The following ANGPT1 variants were observed in gnomAD, a reference collection of about 807,000 sequenced individuals.
The protein encoded by ANGPT1 is angiopoietin-1.
A neutral mutation model predicts 62.2 loss-of-function variants in ANGPT1; 17 were observed. The ratio of observed to expected loss-of-function variants is 0.27; its 90% CI spans 0.19 to 0.41. The LOEUF (loss-of-function observed/expected upper bound fraction) is 0.41, where lower values mean the gene tolerates loss of function less well. Ranked by LOEUF, ANGPT1 falls within the 10% of genes least tolerant of loss-of-function variation. The pLI is 1.00. For synonymous variants in ANGPT1, 199 were observed against 198.9 expected, an observed-to-expected ratio of 1.00 and a Z score of 0.00; for missense variants, 478 against 594.9, an observed-to-expected ratio of 0.80 and a Z score of 2.04.
chr8:107,322,523 G>A (rs115200675), intron 3 of ANGPT1, among the ~76,000 whole-genome samples: 1,948 of 152,216 alleles, frequency 0.013, 54 homozygotes, highest in African/African-American at 0.045. Flanking sequence ...ACAACACGTA[G>A]AAACTACTTT....
intron 6 of ANGPT1, among the ~76,000 whole-genome samples, chr8:107,286,898 A>C (rs1563551020): frequency 2.0e-5 from 3 of 152,168 alleles, no homozygotes; most frequent in Non-Finnish European, 4.4e-5. Flanking sequence ...GCTACCTACT[A>C]AGGAGAAGAG....
intron 2 of ANGPT1, among the ~76,000 whole-genome samples, chr8:107,344,855 T>G (rs2130151324): frequency 6.6e-6 from 1 of 152,220 alleles, no homozygotes; most frequent in East Asian, 1.9e-4. Flanking sequence ...GAATAGAGTG[T>G]ATGGAGGTTA....
chr8:107,428,664 G>C (rs1030586402), intron 1 of ANGPT1, among the ~76,000 whole-genome samples: 1 of 149,362 alleles, frequency 6.7e-6, no homozygotes, highest in African/African-American at 2.5e-5. Flanking sequence ...GTGTGTTTTC[G>C]AGTGCTATAA....
chr8:107,457,289 A>G (rs939719879), intron 1 of ANGPT1, among the ~76,000 whole-genome samples: 1 of 152,084 alleles, frequency 6.6e-6, no homozygotes, highest in African/African-American at 2.4e-5. Context: ...AATAATTAGC[A>G]CATATGAATG....
intron 1 of ANGPT1, among the ~76,000 whole-genome samples, chr8:107,403,833 T>C (rs73702064): frequency 0.013 from 1,927 of 152,136 alleles, 43 homozygotes; most frequent in African/African-American, 0.044. Flanking sequence ...GAGAGTTGAG[T>C]AGTGAAAAAA....
intron 1 of ANGPT1, among the ~76,000 whole-genome samples, chr8:107,351,628 G>C (rs1246403487): frequency 6.6e-6 from 1 of 151,792 alleles, no homozygotes; most frequent in Non-Finnish European, 1.5e-5. Flanking sequence ...CATCACTAGA[G>C]GGGGATTACT....
intron 1 of ANGPT1, among the ~76,000 whole-genome samples, chr8:107,412,961 A>G (rs898466065): frequency 5.9e-5 from 9 of 152,242 alleles, no homozygotes; most frequent in Non-Finnish European, 1.0e-4. Flanking sequence ...TTCAGGTTAA[A>G]GAGAAAGCAG....
At chr8:107,347,186 C>A in intron 1 of ANGPT1, 89 bp from the exon 2 acceptor site, 2 of 1,350,802 alleles carry the variant, frequency 1.5e-6, no homozygotes, top group Non-Finnish European at 1.0e-6. Flanking sequence ...AAACAAGACA[C>A]CGCTGGCAAA....
chr8:107,453,625 G>C lies in ANGPT1; in HGVS notation c.297+43637C>G, dbSNP rs557824811. Among the ~76,000 whole-genome samples the C allele has an allele frequency of 1.1e-4, 16 of 152,090 alleles. No homozygotes were observed. The South Asian group carries it at 3.3e-3, about 32-fold the overall frequency. On this transcript the variant is annotated intron_variant, in intron 1 of 8. Coordinates refer to ENST00000517746, the MANE Select transcript of ANGPT1 (RefSeq NM_001146.5). ...CACATGGGAATTCAAGAAGAGATTT[G>C]GGTGGGGACACAGCCAAACCATATC...
intron 7 of ANGPT1, among the ~76,000 whole-genome samples, chr8:107,273,022 G>A (rs1586176764): frequency 6.6e-6 from 1 of 151,964 alleles, no homozygotes; most frequent in African/African-American, 2.4e-5. Context: ...CTTCCAGTGA[G>A]TGACTCTCTG....
At chr8:107,316,680 A>C (rs566791914) in intron 4 of ANGPT1, among the ~76,000 whole-genome samples, 12 of 152,276 alleles carry the variant, frequency 7.9e-5, no homozygotes, top group African/African-American at 2.9e-4. Context: ...TTTTATAGAA[A>C]AAATGTGGCC....
intron 1 of ANGPT1, among the ~76,000 whole-genome samples, chr8:107,427,208 G>A (rs757246433): frequency 1.8e-4 from 28 of 152,072 alleles, no homozygotes; most frequent in Non-Finnish European, 3.1e-4. Flanking sequence ...TACTCTTAAA[G>A]CTAAAGACAT....
chr8:107,262,014 G>A (rs1056245601), intron 8 of ANGPT1, among the ~76,000 whole-genome samples: 2 of 152,018 alleles, frequency 1.3e-5, no homozygotes, highest in African/African-American at 2.4e-5. Flanking sequence ...GGTTGACATG[G>A]TGAAACCCTG....
At chr8:107,370,340 A>AAG (rs781530526) in intron 1 of ANGPT1, among the ~76,000 whole-genome samples, 27,794 of 54,274 alleles carry the variant, frequency 0.51, 10,075 homozygotes, top group Non-Finnish European at 0.59. Context: ...GAAAGAAAGA[A>AAG]AAAGAAAGAA....
chr8:107,346,866 C>G, intron 2 of ANGPT1, 76 bp downstream of exon 2: 1 of 1,335,032 alleles, frequency 7.5e-7, no homozygotes, highest in Non-Finnish European at 1.0e-6. Context: ...GAAATGTGCT[C>G]TGTGTTTATG....
At chr8:107,307,236 G>GA (rs1374009657) in intron 4 of ANGPT1, among the ~76,000 whole-genome samples, 1 of 151,880 alleles carries the variant, frequency 6.6e-6, no homozygotes, top group Non-Finnish European at 1.5e-5. Flanking sequence ...CCAGAGTCAG[G>GA]AATTTAATAA....
At chr8:107,446,761 A>G (rs1277327393) in intron 1 of ANGPT1, among the ~76,000 whole-genome samples, 1 of 152,210 alleles carries the variant, frequency 6.6e-6, no homozygotes, top group Non-Finnish European at 1.5e-5. Flanking sequence ...ATTGCAGAGT[A>G]TGGGAGATGG....
chr8:107,332,382 A>G (rs1194051694), intron 3 of ANGPT1, among the ~76,000 whole-genome samples: 1 of 152,196 alleles, frequency 6.6e-6, no homozygotes, highest in Non-Finnish European at 1.5e-5. Flanking sequence ...AGAAAAACAT[A>G]TTGCCTAAAG....
At chr8:107,355,304 C>T (rs1816019600) in intron 1 of ANGPT1, among the ~76,000 whole-genome samples, 1 of 152,156 alleles carries the variant, frequency 6.6e-6, no homozygotes, top group South Asian at 2.1e-4. Context: ...AGGTCAGACT[C>T]TCATCAGTTT....
Sources: gnomAD v4.1 joint callset for allele counts (sites outside exome capture counted in the v4.1 genomes callset) on GRCh38, gnomAD v4.1.1 for gene constraint, MANE v1.5 for transcripts, NCBI Gene and HGNC (gene_info 2026-07-23, HGNC 2026-07-21) for gene names.